SMC4: variants seen among roughly 807,000 people sequenced by gnomAD.
SMC4 encodes structural maintenance of chromosomes protein 4.
In SMC4, 87 loss-of-function variants were observed where a neutral mutation model predicts 145.6. The ratio of observed to expected loss-of-function variants is 0.60; its 90% CI spans 0.50 to 0.71. SMC4 has a LOEUF of 0.71. Among genes scored for constraint, SMC4 ranks in the 30% least tolerant of loss-of-function variants. The pLI is 0.00. For synonymous variants in SMC4, 558 were observed against 500.7 expected, an observed-to-expected ratio of 1.11 and a Z score of -1.53; for missense variants, 1,447 against 1,537.1, an observed-to-expected ratio of 0.94 and a Z score of 0.98.
At chr3:160,430,828 T>C in intron 19 of SMC4, 85 bp downstream of exon 19, 1 of 1,436,340 alleles carries the variant, frequency 7.0e-7, no homozygotes, top group Non-Finnish European at 9.4e-7. Context: ...GCCTAGAATG[T>C]AGTAAGCACT....
chr3:160,424,986 G>A lies in SMC4; in HGVS notation c.2445G>A (p.Arg815=). 1.9e-6 allele frequency: 3 copies of A among 1,610,024 alleles called. No individual in the cohort carries two copies. Among genetic ancestry groups the A allele is most frequent in the South Asian group, 1.1e-5 (1 of 90,988 alleles). Residue 815 remains arginine, a synonymous_variant, in exon 16 of 24, where the codon AGG becomes AGA. Coordinates refer to ENST00000357388, the MANE Select transcript of SMC4 (RefSeq NM_001002800.3). The part of the protein sequence containing the change: ...VKLRHSEREM[R]NTLEKFTASI... ...TACGGCATAGTGAACGAGAAATGAG[G>A]AACACACTAGAAAAATTTACTGCAA... is the stretch of plus-strand genomic sequence containing the variant.
At position 160,420,831 on chromosome 3, in the gene SMC4, T is replaced by A. The variant is rs558331262; in HGVS notation, c.1949T>A (p.Ile650Lys). 1.6e-5 allele frequency: 26 copies of A among 1,614,102 alleles called. No homozygotes were observed. In the Admixed American group the frequency reaches 1.7e-4, roughly 10 times the overall value. Residue 650 changes from isoleucine (I) to lysine (K), a missense_variant, in exon 13 of 24, where the codon ATA (isoleucine) becomes AAA (lysine). Coordinates refer to ENST00000357388, the MANE Select transcript of SMC4 (RefSeq NM_001002800.3). ...TACATTGTTGTTGATTCTATTGATA[T>A]AGCCCAAGAATGTGTAAACTTCCTT... is the stretch of plus-strand genomic sequence containing the variant. ...LDYIVVDSID[I>K]AQECVNFLKR...
At chr3:160,423,066 C>T (rs572998786) in intron 13 of SMC4, among the ~76,000 whole-genome samples, 1 of 152,040 alleles carries the variant, frequency 6.6e-6, no homozygotes, top group Non-Finnish European at 1.5e-5. Flanking sequence ...AAGTCTGAGT[C>T]CTCTAATTTT....
intron 4 of SMC4, chr3:160,403,860 T>G (rs1714998524): frequency 6.6e-6 from 1 of 152,306 alleles, no homozygotes; most frequent in Non-Finnish European, 1.5e-5. Flanking sequence ...TCTTTTTACT[T>G]TAAATTAACG....
chr3:160,418,844 C>G (rs985207645), intron 11 of SMC4, among the ~76,000 whole-genome samples: 1 of 151,614 alleles, frequency 6.6e-6, no homozygotes, highest in African/African-American at 2.4e-5. Context: ...TGGTTCCTTT[C>G]TTGTTGGGAG....
At chr3:160,417,179 C>T (rs1716676232) in intron 10 of SMC4, among the ~76,000 whole-genome samples, 2 of 152,118 alleles carry the variant, frequency 1.3e-5, no homozygotes, top group African/African-American at 4.8e-5. Flanking sequence ...GTAGAGTCTG[C>T]TTTGGCATAT....
chr3:160,418,191 G>A lies in SMC4; in HGVS notation c.1671+235G>A, dbSNP rs533621677. 7.1e-4 allele frequency among the ~76,000 whole-genome samples: 108 copies of A among 152,106 alleles called. 1 individual carries two copies. In the South Asian group the frequency reaches 0.022, roughly 31 times the overall value. On this transcript the variant is annotated intron_variant, in intron 11 of 23. Coordinates refer to ENST00000357388, the MANE Select transcript of SMC4 (RefSeq NM_001002800.3). Reference sequence around the variant, plus strand: ...AGTAAATCACCACCACCACCCCACTGTAGAAATAATTTAAACAAAAGAAAG... The same window carrying A: ...AGTAAATCACCACCACCACCCCACTATAGAAATAATTTAAACAAAAGAAAG...
chr3:160,414,612 T>A (rs1041407635), intron 9 of SMC4, 95 bp downstream of exon 9: 34 of 1,154,956 alleles, frequency 2.9e-5, no homozygotes, highest in Non-Finnish European at 4.2e-5. Context: ...AGAGAATGAA[T>A]TAGTATTCTA....
chr3:160,414,193 C>A (rs867617491), intron 8 of SMC4, 174 bp from the exon 9 acceptor site: 10 of 638,104 alleles, frequency 1.6e-5, no homozygotes, highest in Non-Finnish European at 2.9e-5. Flanking sequence ...ATCAAAAATA[C>A]AGGTGCTTCT....
intron 18 of SMC4, 112 bp downstream of exon 18, chr3:160,429,054 ACCTGTCTGACAC>A: frequency 1.2e-6 from 1 of 868,498 alleles, no homozygotes; most frequent in Non-Finnish European, 1.7e-6. Context: ...AATTTATTGA[ACCTGTCTGACAC>A]ATTACCTAAT....
intron 5 of SMC4, among the ~76,000 whole-genome samples, chr3:160,405,157 G>C (rs1339361846): frequency 6.6e-6 from 1 of 152,022 alleles, no homozygotes. Context: ...AGCTGTTACA[G>C]AGCAAGTCCT....
Position 160,423,416 on chromosome 3 carries a change from T to G in SMC4, c.2020-9T>G. The G allele has an allele frequency of 6.7e-7, 1 of 1,490,716 alleles. No homozygotes were observed. The allele number at this position is 1,490,716 out of a possible 1,614,324, so 92.3% of individuals were successfully genotyped here. A position where few individuals can be genotyped will look rare whatever the true frequency, so the allele number is the denominator to read the frequency against. On this transcript the variant is annotated splice_polypyrimidine_tract_variant and intron_variant, in intron 13 of 23. Transcript: ENST00000357388. Reference sequence around the variant, plus strand: ...TGTTGTTTTTGTTTGTTTGTTTGTTTACTTTTAGATGGCTGTATGGGCGAA... The same window carrying G: ...TGTTGTTTTTGTTTGTTTGTTTGTTGACTTTTAGATGGCTGTATGGGCGAA...
intron 9 of SMC4, among the ~76,000 whole-genome samples, chr3:160,415,346 A>G (rs1716469477): frequency 6.6e-6 from 1 of 152,206 alleles, no homozygotes; most frequent in Admixed American, 6.5e-5. Context: ...CTGGGTGACA[A>G]AGTGAGACTC....
rs767653912 is a variant in SMC4 at position 160,433,833 on chromosome 3, G to C, written c.*24G>C. ...GAACTTTATGCTGAAGATTCTTCAA[G>C]TTGATTCAGTGTATTACTGATTTTT... On this transcript the variant is annotated 3_prime_UTR_variant, in exon 24 of 24. Coordinates refer to ENST00000357388, the MANE Select transcript of SMC4 (RefSeq NM_001002800.3). The C allele has an allele frequency of 8.9e-6, 14 of 1,579,870 alleles. No individual in the cohort carries two copies. Among genetic ancestry groups the C allele is most frequent in the Non-Finnish European group, 1.2e-5 (14 of 1,160,140 alleles).
At position 160,430,613 on chromosome 3, in the gene SMC4, C is replaced by T; in HGVS notation, c.2810C>T (p.Ala937Val). The T allele has an allele frequency of 3.7e-6, 6 of 1,603,924 alleles. No individual in the cohort carries two copies. The highest frequency in any genetic ancestry group is 5.1e-6 in the Non-Finnish European group (6 of 1,175,926). The change falls in exon 19 of 24, where the codon GCA (alanine) becomes GTA (valine). Residue 937 changes from alanine (A) to valine (V), a missense_variant. By Grantham distance (64) the Ala-to-Val change is moderately conservative. Transcript: ENST00000357388. ...IKTADRNLQK[A>V]QDSVLRTEKE... The stretch of plus-strand genomic sequence containing the variant: ...TGCTTCTTTAGAAACCTTCAAAAGG[C>T]ACAAGACTCTGTCTTGCGTACAGAG...
rs373130822 is a variant in SMC4, at chr3:160,407,881, C to T, written c.687+3377C>T. Among the ~76,000 whole-genome samples the T allele has an allele frequency of 2.0e-5, 3 of 152,140 alleles. No individual in the cohort carries two copies. The South Asian group carries it at 6.2e-4, about 32-fold the overall frequency. On this transcript the variant is annotated intron_variant, in intron 5 of 23. Transcript: ENST00000357388. ...CAGAAATAGATATCAAGAAGTCCAGCTACTAACAAGTTACTCTTTCTGTTT... is the reference window on the plus strand; with the variant it reads ...CAGAAATAGATATCAAGAAGTCCAGTTACTAACAAGTTACTCTTTCTGTTT...
intron 23 of SMC4, 172 bp downstream of exon 23, chr3:160,433,381 A>AT (rs542245915): frequency 9.0e-6 from 5 of 557,970 alleles, no homozygotes; most frequent in Non-Finnish European, 1.5e-5. Context: ...TGAACCAAAT[A>AT]TTTCCATTTT....
At chr3:160,403,833 T>C (rs915680482) in intron 4 of SMC4, among the ~76,000 whole-genome samples, 4 of 152,104 alleles carry the variant, frequency 2.6e-5, no homozygotes, top group Non-Finnish European at 5.9e-5. Flanking sequence ...GGAATTTAGT[T>C]GTTATTTCTT....
intron 5 of SMC4, chr3:160,404,734 C>G (rs996065368): frequency 4.5e-6 from 3 of 666,964 alleles, no homozygotes; most frequent in Admixed American, 3.6e-5. Context: ...TTTGGATGAA[C>G]TGACATACTT....
Sources: allele counts gnomAD v4.1 joint callset (sites outside exome capture counted in the v4.1 genomes callset), GRCh38; gene constraint gnomAD v4.1.1; transcripts MANE v1.5; gene names NCBI Gene and HGNC (gene_info 2026-07-23, HGNC 2026-07-21).